AMN1: variants seen among roughly 807,000 people sequenced by gnomAD.
The protein encoded by AMN1 is protein AMN1 homolog.
AMN1 carries 20 observed loss-of-function variants against 33.0 expected under a neutral mutation model. That is an observed-to-expected ratio of 0.61 (90% CI 0.43 to 0.88). The LOEUF is 0.88. Among genes scored for constraint, AMN1 ranks in the 40% least tolerant of loss-of-function variants. AMN1 has a pLI of 0.00. For missense variants in AMN1, 246 were observed against 307.4 expected (o/e 0.80, Z 1.49); for synonymous variants, 114 against 111.9 (o/e 1.02, Z -0.12).
chr12:31,705,096 T>C (rs1479377882), intron 2 of AMN1, among the ~76,000 whole-genome samples: 1 of 152,054 alleles, frequency 6.6e-6, no homozygotes, highest in Admixed American at 6.6e-5. Flanking sequence ...CAAGCTAACA[T>C]GAAGAAAATA....
chr12:31,719,910 T>A (rs1309886538), intron 1 of AMN1, among the ~76,000 whole-genome samples: 1 of 152,182 alleles, frequency 6.6e-6, no homozygotes, highest in African/African-American at 2.4e-5. Flanking sequence ...AACCTTTTGT[T>A]TGTGCAATTT....
intron 1 of AMN1, among the ~76,000 whole-genome samples, chr12:31,713,899 T>A (rs11051544): frequency 0.035 from 5,316 of 152,006 alleles, 140 homozygotes; most frequent in South Asian, 0.063. Flanking sequence ...TTTTATATAC[T>A]CGACTGGTTT....
In AMN1 at chr12:31,688,975, G is replaced by C. The variant is rs756513870; in HGVS notation, c.703+32C>G. The C allele has an allele frequency of 2.1e-6, 3 of 1,463,326 alleles. No individual in the cohort carries two copies. In the East Asian group the frequency reaches 6.8e-5, roughly 33 times the overall value. 90.6% of individuals were successfully genotyped at this position (1,463,326 alleles called of 1,614,324 possible). On this transcript the variant is annotated intron_variant, in intron 6 of 6. Coordinates refer to ENST00000281471, the MANE Select transcript of AMN1 (RefSeq NM_001113402.2). Reference sequence around the variant, plus strand: ...GGTCACACAGTAAAAGATGAAGCCAGAATTTGAACCCAAGCAATCTATTGC... The same window carrying C: ...GGTCACACAGTAAAAGATGAAGCCACAATTTGAACCCAAGCAATCTATTGC...
intron 6 of AMN1, among the ~76,000 whole-genome samples, chr12:31,678,712 T>G (rs892543552): frequency 1.3e-5 from 2 of 152,196 alleles, no homozygotes; most frequent in Admixed American, 1.3e-4. Flanking sequence ...AATACAAACT[T>G]TTAACAAAGT....
rs1434175486 is a variant in AMN1, at chr12:31,676,477, C to G, written c.704-4100G>C. Among the ~76,000 whole-genome samples the G allele has an allele frequency of 4.0e-5, 6 of 150,982 alleles. 1 individual carries two copies. Among genetic ancestry groups the G allele is most frequent in the East Asian group, 2.0e-4 (1 of 5,044 alleles). On this transcript the variant is annotated intron_variant, in intron 6 of 6. Coordinates refer to ENST00000281471, the MANE Select transcript of AMN1 (RefSeq NM_001113402.2). ...ATGCAAAAATTAGCCAGAATTTGGC[C>G]CCCCCAGCTAATTTTTTTGTATTTT...
intron 3 of AMN1, among the ~76,000 whole-genome samples, chr12:31,699,852 T>A (rs77635230): frequency 6.6e-6 from 1 of 152,202 alleles, no homozygotes; most frequent in Non-Finnish European, 1.5e-5. Context: ...GTAGATAGTG[T>A]CAGAATTGAA....
At chr12:31,716,886 G>A (rs1939696127) in intron 1 of AMN1, among the ~76,000 whole-genome samples, 1 of 151,960 alleles carries the variant, frequency 6.6e-6, no homozygotes, top group Admixed American at 6.6e-5. Flanking sequence ...GTGATTTTTT[G>A]TCCTGTTCAT....
At chr12:31,715,598 T>TTG (rs577595152) in intron 1 of AMN1, 69 of 158,428 alleles carry the variant, frequency 4.4e-4, no homozygotes, top group Non-Finnish European at 6.6e-4. Context: ...TTCGCAGGGC[T>TTG]TGTGTCTTTC....
intron 1 of AMN1, among the ~76,000 whole-genome samples, chr12:31,718,127 T>G (rs2139724890): frequency 6.6e-6 from 1 of 152,192 alleles, no homozygotes; most frequent in Admixed American, 6.5e-5. Context: ...CATTCCTTTT[T>G]CTCTAATCTT....
At chr12:31,714,264 CT>C (rs1296833912) in intron 1 of AMN1, among the ~76,000 whole-genome samples, 1 of 152,134 alleles carries the variant, frequency 6.6e-6, no homozygotes, top group African/African-American at 2.4e-5. Context: ...CAACTAGGAT[CT>C]TAAGATTCCC....
chr12:31,672,353 T>C lies in AMN1; in HGVS notation c.728A>G (p.Gln243Arg), dbSNP rs1324902232. ...ITDHSREVLE[Q>R]LVGPNKLKQV... ...CTTTAGTTTGTTTGGGCCTACTAAT[T>C]GCTCCAACACTTCTCGGGAATGATC... Residue 243 changes from glutamine (Q) to arginine (R), a missense_variant, in exon 7 of 7, where the codon CAA (glutamine) becomes CGA (arginine). By Grantham distance (43) the Gln-to-Arg change is conservative. Transcript: ENST00000281471. 2.5e-6 allele frequency: 4 copies of C among 1,577,452 alleles called. No individual in the cohort carries two copies. The Admixed American group carries it at 5.4e-5, about 21-fold the overall frequency.
At chr12:31,673,726 CA>C (rs1951329597) in intron 6 of AMN1, 2 of 367,562 alleles carry the variant, frequency 5.4e-6, no homozygotes, top group Non-Finnish European at 1.1e-5. Context: ...AAATGCTCAA[CA>C]AAACACCAGC....
At chr12:31,677,205 C>G (rs1937759810) in intron 6 of AMN1, among the ~76,000 whole-genome samples, 1 of 152,132 alleles carries the variant, frequency 6.6e-6, no homozygotes, top group Non-Finnish European at 1.5e-5. Context: ...GAGGCTGAGG[C>G]AGGAGAATGG....
chr12:31,723,437 A>G (rs1939948080), intron 1 of AMN1, among the ~76,000 whole-genome samples: 1 of 151,722 alleles, frequency 6.6e-6, no homozygotes, highest in African/African-American at 2.4e-5. Flanking sequence ...CAGCCTCCTG[A>G]GTAGCTGAGA....
At position 31,672,362 on chromosome 12, in the gene AMN1, A is replaced by G; in HGVS notation, c.719T>C (p.Val240Ala). The G allele has an allele frequency of 6.4e-7, 1 of 1,573,178 alleles. No individual in the cohort carries two copies. The highest frequency in any genetic ancestry group is 1.7e-4 in the Middle Eastern group (1 of 6,012). ...GTTTGGGCCTACTAATTGCTCCAAC[A>G]CTTCTCGGGAATGATCTATAAAAGA... The part of the protein sequence containing the change: ...CPLITDHSRE[V>A]LEQLVGPNKL... Residue 240 changes from valine (V) to alanine (A), a missense_variant, in exon 7 of 7, where the codon GTG becomes GCG. Coordinates refer to ENST00000281471, the MANE Select transcript of AMN1 (RefSeq NM_001113402.2).
chr12:31,679,046 C>T (rs1430446997), intron 6 of AMN1, among the ~76,000 whole-genome samples: 1 of 152,274 alleles, frequency 6.6e-6, no homozygotes, highest in African/African-American at 2.4e-5. Flanking sequence ...TGGCAGCTCA[C>T]GCCTGTAATC....
intron 6 of AMN1, among the ~76,000 whole-genome samples, chr12:31,688,227 T>C (rs1938352554): frequency 6.6e-6 from 1 of 152,234 alleles, no homozygotes; most frequent in Non-Finnish European, 1.5e-5. Context: ...GTAATGGGAT[T>C]ATAGGCATGA....
At chr12:31,718,868 T>C (rs1939777566) in intron 1 of AMN1, among the ~76,000 whole-genome samples, 1 of 152,220 alleles carries the variant, frequency 6.6e-6, no homozygotes. Context: ...ACTGTGAGCA[T>C]AGAACCGCCT....
At chr12:31,682,963 C>CTTTTTTTT (rs34868408) in intron 6 of AMN1, among the ~76,000 whole-genome samples, 2 of 137,850 alleles carry the variant, frequency 1.5e-5, no homozygotes, top group Non-Finnish European at 1.6e-5. Context: ...GTATGCTATT[C>CTTTTTTTT]TTTTTTTTTT....
Sources: allele counts gnomAD v4.1 joint callset (sites outside exome capture counted in the v4.1 genomes callset), GRCh38; gene constraint gnomAD v4.1.1; transcripts MANE v1.5; gene names NCBI Gene and HGNC (gene_info 2026-07-23, HGNC 2026-07-21).